Variants in TDRD9 observed in about 807,000 individuals in gnomAD.
The protein encoded by TDRD9 is ATP-dependent RNA helicase TDRD9.
TDRD9 carries 124 observed loss-of-function variants against 172.6 expected under a neutral mutation model. That is an observed-to-expected ratio of 0.72 (90% confidence interval 0.62 to 0.83). The LOEUF is 0.83. TDRD9 is among the 40% of genes least tolerant of loss of function. TDRD9 has a pLI of 0.00. For synonymous variants in TDRD9, 619 were observed against 617.1 expected (o/e 1.00, Z -0.05); for missense variants, 1,479 against 1,714.1 (o/e 0.86, Z 2.42).
intron 25 of TDRD9, 149 bp from the exon 26 acceptor site, chr14:104,025,415 G>T: frequency 1.5e-6 from 1 of 653,734 alleles, no homozygotes; most frequent in South Asian, 2.0e-5. Flanking sequence ...ATAAACACCT[G>T]TTAAAAACCT....
intron 20 of TDRD9, among the ~76,000 whole-genome samples, chr14:104,014,154 C>T (rs889070099): frequency 1.2e-4 from 18 of 149,960 alleles, no homozygotes; most frequent in Admixed American, 5.3e-4. Flanking sequence ...GCGTGAACCT[C>T]GGAGGCAGAG....
intron 7 of TDRD9, among the ~76,000 whole-genome samples, chr14:103,985,331 C>G (rs747008870): frequency 6.6e-6 from 1 of 152,154 alleles, no homozygotes; most frequent in East Asian, 1.9e-4. Context: ...GGGGTAGGTC[C>G]TTCCTGTGCT....
At chr14:103,948,312 C>T (rs1487096995) in intron 1 of TDRD9, among the ~76,000 whole-genome samples, 6 of 152,008 alleles carry the variant, frequency 3.9e-5, no homozygotes, top group Non-Finnish European at 7.4e-5. Context: ...TCATTGCACC[C>T]GGCAAAAAAG....
At chr14:103,942,018 T>C (rs2031266550) in intron 1 of TDRD9, 1 of 255,422 alleles carries the variant, frequency 3.9e-6, no homozygotes, top group East Asian at 9.4e-5. Context: ...AGACTTAAAA[T>C]ATTAATGTCG....
At chr14:103,977,411 T>C (rs897317439) in intron 7 of TDRD9, among the ~76,000 whole-genome samples, 11 of 133,844 alleles carry the variant, frequency 8.2e-5, no homozygotes, top group Admixed American at 6.3e-4. Context: ...GAGAATGGCA[T>C]GAACCCGGGA....
intron 7 of TDRD9, 107 bp from the exon 8 acceptor site, chr14:103,986,110 A>G: frequency 1.3e-6 from 1 of 760,060 alleles, no homozygotes; most frequent in East Asian, 2.7e-5. Flanking sequence ...TTATTTAGAG[A>G]GTTTGTTACA....
intron 1 of TDRD9, among the ~76,000 whole-genome samples, chr14:103,938,356 G>A (rs568753246): frequency 1.3e-4 from 19 of 142,720 alleles, no homozygotes; most frequent in South Asian, 4.5e-4. Flanking sequence ...CATTCCAGTC[G>A]TCCCCTTCCC....
chr14:104,035,515 A>G (rs2035425032), intron 32 of TDRD9, among the ~76,000 whole-genome samples: 1 of 152,250 alleles, frequency 6.6e-6, no homozygotes, highest in South Asian at 2.1e-4. Context: ...CGATTAAGCC[A>G]GGATTTCTCC....
intron 23 of TDRD9, among the ~76,000 whole-genome samples, chr14:104,018,931 T>G (rs2152235819): frequency 6.6e-6 from 1 of 152,310 alleles, no homozygotes; most frequent in East Asian, 1.9e-4. Context: ...GCATTTTAAG[T>G]TCCATTTCTA....
At chr14:104,014,263 A>G (rs1232673776) in intron 20 of TDRD9, among the ~76,000 whole-genome samples, 2 of 151,450 alleles carry the variant, frequency 1.3e-5, no homozygotes, top group Non-Finnish European at 2.9e-5. Flanking sequence ...TAATAATAAT[A>G]AAAATTTTTA....
At chr14:103,939,743 G>GTTTTTTTTTTGTT (rs2031080345) in intron 1 of TDRD9, 1 of 17,448 alleles carries the variant, frequency 5.7e-5, no homozygotes, top group Admixed American at 7.4e-4. Flanking sequence ...GAAAAAAAGT[G>GTTTTTTTTTTGTT]TTTTTTTTTT....
rs7146464 is a variant in TDRD9 at position 104,051,428 on chromosome 14, T to C, written c.4048-553T>C. On this transcript the variant is annotated intron_variant, in intron 35 of 35. Coordinates refer to ENST00000409874, the MANE Select transcript of TDRD9 (RefSeq NM_153046.3). The stretch of plus-strand genomic sequence containing the variant: ...TGGTGAATATGTAAATGCATGTGTC[T>C]TTTTGGTAGAACAATTTGTTTTCTT... Among the ~76,000 whole-genome samples, 958 of 152,358 alleles carry C rather than the reference T, an allele frequency of 6.3e-3. 11 individuals are homozygous for C. The highest frequency in any genetic ancestry group is 0.022 in the African/African-American group (905 of 41,576).
At chr14:103,973,805 T>A (rs1012033978) in intron 6 of TDRD9, among the ~76,000 whole-genome samples, 4 of 152,204 alleles carry the variant, frequency 2.6e-5, no homozygotes, top group African/African-American at 7.2e-5. Context: ...CAAAATGAGT[T>A]TTAGTCTGTA....
At chr14:104,042,318 G>GCCTC in intron 34 of TDRD9, 131 bp downstream of exon 34, 3 of 651,610 alleles carry the variant, frequency 4.6e-6, no homozygotes, top group Non-Finnish European at 8.2e-6. Flanking sequence ...AGTGCTGGAG[G>GCCTC]CAGCACTGGG....
intron 1 of TDRD9, among the ~76,000 whole-genome samples, chr14:103,953,247 C>T (rs1373501454): frequency 6.6e-6 from 1 of 152,284 alleles, no homozygotes; most frequent in Non-Finnish European, 1.5e-5. Context: ...TACCCTTCTG[C>T]TCCCTACCCT....
At chr14:103,972,462 A>C (rs1031999798) in intron 6 of TDRD9, among the ~76,000 whole-genome samples, 7 of 152,230 alleles carry the variant, frequency 4.6e-5, no homozygotes, top group African/African-American at 1.7e-4. Flanking sequence ...GGAATGATAA[A>C]TATCATTTAC....
chr14:104,026,226 C>T, intron 27 of TDRD9, 90 bp downstream of exon 27: 1 of 913,634 alleles, frequency 1.1e-6, no homozygotes, highest in Non-Finnish European at 1.8e-6. Context: ...CCTGCCTCGG[C>T]TTACAGCTAG....
At chr14:104,034,183 CT>C (rs1487600359) in intron 31 of TDRD9, 114 bp downstream of exon 31, 1 of 217,522 alleles carries the variant, frequency 4.6e-6, no homozygotes, top group African/African-American at 3.4e-5. Flanking sequence ...ATGTACTATT[CT>C]TTTTTTTTCT....
intron 34 of TDRD9, among the ~76,000 whole-genome samples, chr14:104,042,817 C>T (rs944087356): frequency 1.3e-5 from 2 of 152,110 alleles, no homozygotes; most frequent in Non-Finnish European, 2.9e-5. Flanking sequence ...TGACAGTGTC[C>T]TGTGCTGGCT....
Sources: gnomAD v4.1 joint callset for allele counts (sites outside exome capture counted in the v4.1 genomes callset) on GRCh38, gnomAD v4.1.1 for gene constraint, MANE v1.5 for transcripts, NCBI Gene and HGNC (gene_info 2026-07-23, HGNC 2026-07-21) for gene names.